The following AP3B1 variants were observed in gnomAD, a reference collection of about 807,000 sequenced individuals.
The protein encoded by AP3B1 is adaptor related protein complex 3 subunit beta 1.
In AP3B1, 61 loss-of-function variants were observed where a neutral mutation model predicts 132.5. The ratio of observed to expected loss-of-function variants is 0.46; its 90% confidence interval spans 0.37 to 0.57. The LOEUF is 0.57. Ranked by LOEUF, AP3B1 falls within the 20% of genes least tolerant of loss-of-function variation. The pLI, the probability that AP3B1 is intolerant of heterozygous loss-of-function variation, is 0.00. For missense variants in AP3B1, 1,120 were observed against 1,289.4 expected, an observed-to-expected ratio of 0.87 and a Z score of 2.01; for synonymous variants, 388 against 438.3, an observed-to-expected ratio of 0.89 and a Z score of 1.43.
intron 8 of AP3B1, 29 bp downstream of exon 8, chr5:78,181,478 A>G: frequency 6.2e-7 from 1 of 1,604,794 alleles, no homozygotes; most frequent in South Asian, 1.1e-5. Context: ...AAAACCAGTG[A>G]ATTATTTCTT....
intron 22 of AP3B1, among the ~76,000 whole-genome samples, chr5:78,061,713 C>T (rs900118332): frequency 1.3e-5 from 2 of 152,194 alleles, no homozygotes; most frequent in Non-Finnish European, 2.9e-5. Flanking sequence ...ATATTATCAC[C>T]CATTGACAAA....
At chr5:78,014,653 C>T (rs6875806) in intron 26 of AP3B1, among the ~76,000 whole-genome samples, 5,167 of 152,198 alleles carry the variant, frequency 0.034, 294 homozygotes, top group African/African-American at 0.12. Context: ...ACTAAATATA[C>T]AGTGTGTAGA....
At chr5:78,015,809 C>G (rs1001140504) in intron 25 of AP3B1, 3 of 416,480 alleles carry the variant, frequency 7.2e-6, no homozygotes, top group African/African-American at 6.1e-5. Context: ...AGGATAAAAA[C>G]TTAGAATCAC....
At position 78,201,934 on chromosome 5, in the gene AP3B1, G is replaced by A. The variant is rs546901679; in HGVS notation, c.786+14121C>T. ...GCGATGCAAAAGCAGTCCTATATAAGCTCTGAGATGTATACAGTCTGATAT... is the reference window on the plus strand; with the variant it reads ...GCGATGCAAAAGCAGTCCTATATAAACTCTGAGATGTATACAGTCTGATAT... On this transcript the variant is annotated intron_variant, in intron 7 of 26. Transcript: ENST00000255194. 8.5e-5 allele frequency among the ~76,000 whole-genome samples: 13 copies of A among 152,236 alleles called. No homozygotes were observed. The South Asian group carries it at 2.7e-3, about 32-fold the overall frequency.
chr5:78,073,603 T>G (rs1749636977), intron 22 of AP3B1, among the ~76,000 whole-genome samples: 1 of 152,150 alleles, frequency 6.6e-6, no homozygotes, highest in Non-Finnish European at 1.5e-5. Context: ...TTTCAGAAAC[T>G]CATTTATTTA....
At chr5:78,045,859 T>C (rs1003106379) in intron 22 of AP3B1, among the ~76,000 whole-genome samples, 1 of 152,200 alleles carries the variant, frequency 6.6e-6, no homozygotes, top group Admixed American at 6.5e-5. Context: ...ACACAATACA[T>C]GTAGGGCAGA....
intron 2 of AP3B1, among the ~76,000 whole-genome samples, chr5:78,254,191 T>C (rs1430781209): frequency 6.6e-6 from 1 of 151,732 alleles, no homozygotes; most frequent in Non-Finnish European, 1.5e-5. Flanking sequence ...TAAAGAAGAA[T>C]GAAGCATGCC....
chr5:78,116,083 T>C (rs754564436), intron 18 of AP3B1, 43 bp downstream of exon 18: 3 of 1,376,796 alleles, frequency 2.2e-6, no homozygotes, highest in Admixed American at 3.4e-5. Flanking sequence ...TAGAATGTAA[T>C]CTACTATGTA....
chr5:78,012,202 T>C (rs2112046457), intron 26 of AP3B1, among the ~76,000 whole-genome samples: 1 of 151,912 alleles, frequency 6.6e-6, no homozygotes, highest in South Asian at 2.1e-4. Flanking sequence ...ATTAATTCCA[T>C]GGAGTAGGGT....
At chr5:78,202,527 T>A (rs1745336378) in intron 7 of AP3B1, among the ~76,000 whole-genome samples, 1 of 150,046 alleles carries the variant, frequency 6.7e-6, no homozygotes, top group African/African-American at 2.5e-5. Flanking sequence ...TGTGTGTACA[T>A]ACACTAAACA....
intron 26 of AP3B1, among the ~76,000 whole-genome samples, chr5:78,009,017 C>A (rs1746506313): frequency 1.3e-5 from 2 of 151,928 alleles, no homozygotes; most frequent in Admixed American, 1.3e-4. Flanking sequence ...ACAAAGGTCT[C>A]CAAAAAAATA....
At chr5:78,193,770 A>ATATATATATATATATATATTTTTTTTTTT in intron 7 of AP3B1, among the ~76,000 whole-genome samples, 4 of 67,212 alleles carry the variant, frequency 6.0e-5, no homozygotes, top group East Asian at 3.3e-4. Flanking sequence ...ATATATATAT[A>ATATATATATATATATATATTTTTTTTTTT]TTTTTTTTTT....
intron 7 of AP3B1, among the ~76,000 whole-genome samples, chr5:78,209,621 T>G (rs547070632): frequency 6.6e-6 from 1 of 152,260 alleles, no homozygotes; most frequent in Admixed American, 6.5e-5. Flanking sequence ...CATGGGCACA[T>G]GTCATCAGGA....
chr5:78,221,825 A>T (rs1048370345), intron 6 of AP3B1, among the ~76,000 whole-genome samples: 18 of 152,170 alleles, frequency 1.2e-4, no homozygotes, highest in African/African-American at 3.6e-4. Flanking sequence ...CTACATTTTG[A>T]AAGGACTCAC....
chr5:78,089,003 A>G (rs1750388963), intron 22 of AP3B1: 1 of 161,354 alleles, frequency 6.2e-6, no homozygotes, highest in Non-Finnish European at 1.4e-5. Flanking sequence ...ACAGTCATGA[A>G]TTTTTAATAG....
intron 22 of AP3B1, among the ~76,000 whole-genome samples, chr5:78,045,200 G>A (rs1430169848): frequency 1.3e-5 from 2 of 152,048 alleles, no homozygotes; most frequent in Non-Finnish European, 2.9e-5. Flanking sequence ...GGCCAACATG[G>A]TGAAACCCCA....
intron 1 of AP3B1, among the ~76,000 whole-genome samples, chr5:78,285,204 A>G (rs28730319): frequency 0.22 from 33,655 of 150,562 alleles, 4,407 homozygotes; most frequent in Middle Eastern, 0.31. Flanking sequence ...AGTCGAGATC[A>G]CGCCACTGCA....
At chr5:78,040,022 G>A (rs1377591992) in intron 22 of AP3B1, among the ~76,000 whole-genome samples, 1 of 151,796 alleles carries the variant, frequency 6.6e-6, no homozygotes, top group Non-Finnish European at 1.5e-5. Flanking sequence ...CAAAATGAAC[G>A]TCTGGACCTT....
chr5:78,230,851 C>T (rs867918513), intron 3 of AP3B1, among the ~76,000 whole-genome samples: 1 of 152,172 alleles, frequency 6.6e-6, no homozygotes, highest in Non-Finnish European at 1.5e-5. Flanking sequence ...GGCACGGTGG[C>T]TCACACCTGT....
Sources: allele counts gnomAD v4.1 joint callset (sites outside exome capture counted in the v4.1 genomes callset), GRCh38; gene constraint gnomAD v4.1.1; transcripts MANE v1.5; gene names NCBI Gene and HGNC (gene_info 2026-07-23, HGNC 2026-07-21).